The following PPP3CA variants were observed in gnomAD, a reference collection of about 807,000 sequenced individuals.
PPP3CA encodes the protein CAM-PRP catalytic subunit.
PPP3CA carries 14 observed loss-of-function variants against 66.5 expected under a neutral mutation model. The ratio of observed to expected loss-of-function variants is 0.21; its 90% CI spans 0.14 to 0.33. The LOEUF (loss-of-function observed/expected upper bound fraction) is 0.33. Among genes scored for constraint, PPP3CA ranks in the 10% least tolerant of loss-of-function variants. The pLI is 1.00. For synonymous variants in PPP3CA, 232 were observed against 226.2 expected (o/e 1.03, Z -0.23); for missense variants, 317 against 639.5 (o/e 0.50, Z 5.44).
intron 1 of PPP3CA, among the ~76,000 whole-genome samples, chr4:101,222,567 T>C (rs1329539152): frequency 1.3e-5 from 2 of 151,660 alleles, no homozygotes; most frequent in East Asian, 1.9e-4. Flanking sequence ...CAACATTACA[T>C]ATGGAAATCT....
intron 1 of PPP3CA, among the ~76,000 whole-genome samples, chr4:101,267,379 T>C (rs1727200862): frequency 1.3e-5 from 2 of 152,190 alleles, no homozygotes; most frequent in African/African-American, 4.8e-5. Context: ...TCTCAGGGCC[T>C]ATGATACGCT....
rs1255056600 is a variant in PPP3CA at position 101,323,800 on chromosome 4, C to T, written c.58+22939G>A. 3.3e-5 allele frequency among the ~76,000 whole-genome samples: 5 copies of T among 152,088 alleles called. No homozygotes were observed. The East Asian group carries it at 7.8e-4, about 24-fold the overall frequency. Reference sequence around the variant, plus strand: ...CAACTCTATAGGTAGCTGCTATTACCGTGTTTTAATGACAAGAAAATGGAG... The same window carrying T: ...CAACTCTATAGGTAGCTGCTATTACTGTGTTTTAATGACAAGAAAATGGAG... On this transcript the variant is annotated intron_variant, in intron 1 of 13. Transcript: ENST00000394854.
At position 101,190,886 on chromosome 4, in the gene PPP3CA, C is replaced by T. The variant is rs149059927; in HGVS notation, c.259+5030G>A. Among the ~76,000 whole-genome samples, 1,228 of 152,208 alleles carry T rather than the reference C, an allele frequency of 8.1e-3. 11 individuals carry two copies. Among genetic ancestry groups the T allele is most frequent in the Middle Eastern group, 0.014 (4 of 294 alleles). ...TTTCTTCTACTTCTTGAGGACCCTT[C>T]GCATCAGTATTCTTTGTATGTTTTC... On this transcript the variant is annotated intron_variant, in intron 2 of 13. Coordinates refer to ENST00000394854, the MANE Select transcript of PPP3CA (RefSeq NM_000944.5).
intron 2 of PPP3CA, among the ~76,000 whole-genome samples, chr4:101,118,586 C>T (rs185526651): frequency 1.3e-5 from 2 of 151,716 alleles, no homozygotes; most frequent in Admixed American, 1.3e-4. Context: ...TGTATTCCTC[C>T]TGTTTGACCT....
intron 1 of PPP3CA, among the ~76,000 whole-genome samples, chr4:101,295,307 CAAAAAAAAAAA>C (rs527366396): frequency 2.1e-4 from 9 of 42,042 alleles, no homozygotes; most frequent in Non-Finnish European, 2.6e-4. Context: ...GACTCCGTCT[CAAAAAAAAAAA>C]AAAAAAAAAA....
chr4:101,264,628 G>A (rs1033505504), intron 1 of PPP3CA, among the ~76,000 whole-genome samples: 2 of 152,118 alleles, frequency 1.3e-5, no homozygotes, highest in Admixed American at 1.3e-4. Context: ...GCAGATCTTT[G>A]TCCCTCAGTC....
At chr4:101,336,499 G>A (rs931379540) in intron 1 of PPP3CA, among the ~76,000 whole-genome samples, 1 of 151,530 alleles carries the variant, frequency 6.6e-6, no homozygotes, top group Admixed American at 6.6e-5. Flanking sequence ...TTGAACTTCA[G>A]GAGCCGGAGG....
At chr4:101,086,294 G>A (rs770628863) in intron 6 of PPP3CA, among the ~76,000 whole-genome samples, 4 of 151,970 alleles carry the variant, frequency 2.6e-5, no homozygotes, top group South Asian at 2.1e-4. Flanking sequence ...AATTCTGCTC[G>A]GAAAAGAAGA....
intron 7 of PPP3CA, among the ~76,000 whole-genome samples, chr4:101,081,397 T>C (rs1256848107): frequency 6.6e-6 from 1 of 152,134 alleles, no homozygotes; most frequent in Non-Finnish European, 1.5e-5. Context: ...AAACAGAACA[T>C]GCACAAGAAC....
intron 13 of PPP3CA, among the ~76,000 whole-genome samples, chr4:101,026,302 G>GT (rs1726647641): frequency 6.6e-6 from 1 of 152,170 alleles, no homozygotes; most frequent in Admixed American, 6.5e-5. Context: ...TTATTAAGAT[G>GT]TAAGCATTTC....
chr4:101,106,433 GAAAGAAAGA>G lies in PPP3CA; in HGVS notation c.384+2512_384+2520del. 4.3e-4 allele frequency among the ~76,000 whole-genome samples: 5 copies of G among 11,738 alleles called. 1 individual carries two copies. Among genetic ancestry groups the G allele is most frequent in the African/African-American group, 1.4e-3 (5 of 3,676 alleles). 7.7% of individuals were successfully genotyped at this position (11,738 alleles called of 152,430 possible). ...AGAAAGAAAGAAAGAAAGAAAGAAA[GAAAGAAAGA>G]AAGAAAGAAAGAGAAAAGAAAAGAA... On this transcript the variant is annotated intron_variant, in intron 3 of 13. Transcript: ENST00000394854.
rs35434632 is a variant in PPP3CA at position 101,025,820 on chromosome 4, CAAAAAAAAAAA to C, written c.*34_*44del. The C allele has an allele frequency of 1.4e-4, 65 of 479,334 alleles. No individual in the cohort carries two copies. Among genetic ancestry groups the C allele is most frequent in the African/African-American group, 4.9e-4 (9 of 18,386 alleles). The allele number at this position is 479,334 out of a possible 1,614,324, so 29.7% of individuals were successfully genotyped here. A position where few individuals can be genotyped will look rare whatever the true frequency, so the allele number is the denominator to read the frequency against. Reference sequence around the variant, plus strand: ...GCAATCCCCATCATGCCCCGCAGCTCAAAAAAAAAAAAAAAAAAAAAAAAAAAAAGTGAACA... The same window carrying C: ...GCAATCCCCATCATGCCCCGCAGCTCAAAAAAAAAAAAAAAAAAGTGAACA... On this transcript the variant is annotated 3_prime_UTR_variant, in exon 14 of 14. Transcript: ENST00000394854.
At chr4:101,099,350 A>G (rs1008141957) in intron 4 of PPP3CA, among the ~76,000 whole-genome samples, 4 of 152,128 alleles carry the variant, frequency 2.6e-5, no homozygotes, top group Admixed American at 2.6e-4. Context: ...TAGCATCCCT[A>G]AATCACTTGT....
chr4:101,077,823 T>C (rs910081576), intron 8 of PPP3CA, among the ~76,000 whole-genome samples: 8 of 142,046 alleles, frequency 5.6e-5, no homozygotes, highest in Non-Finnish European at 1.1e-4. Flanking sequence ...CACTGGTATC[T>C]GTTTTTTTTT....
At chr4:101,326,324 T>G (rs1671428208) in intron 1 of PPP3CA, among the ~76,000 whole-genome samples, 3 of 152,222 alleles carry the variant, frequency 2.0e-5, no homozygotes, top group Non-Finnish European at 2.9e-5. Flanking sequence ...ATGAGAAAAT[T>G]ATTTAGCATC....
chr4:101,253,697 A>G (rs1726747606), intron 1 of PPP3CA, among the ~76,000 whole-genome samples: 1 of 152,132 alleles, frequency 6.6e-6, no homozygotes, highest in Non-Finnish European at 1.5e-5. Context: ...ATATTTTGAT[A>G]GATTATGATA....
intron 1 of PPP3CA, among the ~76,000 whole-genome samples, chr4:101,222,785 A>G (rs1725667714): frequency 6.6e-6 from 1 of 151,732 alleles, no homozygotes; most frequent in African/African-American, 2.4e-5. Context: ...AAAAAGGAAT[A>G]TGCTTTAGCC....
At chr4:101,029,094 C>CA (rs1466156727) in intron 13 of PPP3CA, 72 bp downstream of exon 13, 16 of 1,446,342 alleles carry the variant, frequency 1.1e-5, no homozygotes, top group East Asian at 2.3e-5. Context: ...CAAGCTACAG[C>CA]AAAAAAATGA....
intron 1 of PPP3CA, among the ~76,000 whole-genome samples, chr4:101,305,272 G>A (rs962386727): frequency 6.6e-6 from 1 of 152,160 alleles, no homozygotes; most frequent in Non-Finnish European, 1.5e-5. Flanking sequence ...GAATTTTAAA[G>A]TTCACGACTG....
Sources: allele counts gnomAD v4.1 joint callset (sites outside exome capture counted in the v4.1 genomes callset), GRCh38; gene constraint gnomAD v4.1.1; transcripts MANE v1.5; gene names NCBI Gene and HGNC (gene_info 2026-07-23, HGNC 2026-07-21).